EXOC2: variants seen among roughly 807,000 people sequenced by gnomAD.
The protein encoded by EXOC2 is SEC5-like 1.
EXOC2 carries 70 observed loss-of-function variants against 131.8 expected under a neutral mutation model. The observed-to-expected ratio is 0.53, with a 90% CI of 0.44 to 0.65. The LOEUF (loss-of-function observed/expected upper bound fraction) is 0.65. EXOC2 is among the 30% of genes least tolerant of loss of function. The pLI is 0.00. For synonymous variants in EXOC2, 411 were observed against 398.4 expected (o/e 1.03, Z -0.38); for missense variants, 923 against 1,108.6 (o/e 0.83, Z 2.38).
intron 13 of EXOC2, among the ~76,000 whole-genome samples, chr6:565,258 C>A (rs1165340926): frequency 6.6e-6 from 1 of 152,132 alleles, no homozygotes; most frequent in East Asian, 1.9e-4. Context: ...GGTATCATAC[C>A]CACGACAACA....
intron 4 of EXOC2, among the ~76,000 whole-genome samples, chr6:620,458 C>T (rs957731973): frequency 3.3e-5 from 5 of 152,142 alleles, no homozygotes; most frequent in Admixed American, 6.5e-5. Context: ...TCTGATTTGC[C>T]GCCCCCTCTA....
At chr6:598,757 T>C (rs961523312) in intron 9 of EXOC2, 103 bp downstream of exon 9, 83 of 896,890 alleles carry the variant, frequency 9.3e-5, no homozygotes, top group Middle Eastern at 3.5e-4. Context: ...GAGCCTCATA[T>C]AAACAAAAAC....
intron 23 of EXOC2, among the ~76,000 whole-genome samples, chr6:530,435 A>T (rs371476622): frequency 1.4e-4 from 21 of 152,336 alleles, no homozygotes; most frequent in Admixed American, 1.0e-3. Flanking sequence ...ACTGTCCAGC[A>T]AGGAGCTAGA....
At chr6:568,646 C>T (rs992898097) in intron 13 of EXOC2, among the ~76,000 whole-genome samples, 8 of 152,158 alleles carry the variant, frequency 5.3e-5, no homozygotes, top group African/African-American at 1.9e-4. Context: ...AGGCACATGC[C>T]AGTATAAAAC....
chr6:533,454 C>A (rs1165128923), intron 22 of EXOC2, among the ~76,000 whole-genome samples: 1 of 152,144 alleles, frequency 6.6e-6, no homozygotes, highest in Non-Finnish European at 1.5e-5. Context: ...TACAGCTCTG[C>A]TTGAGGGGCG....
At chr6:623,606 G>A (rs1761404036) in intron 4 of EXOC2, among the ~76,000 whole-genome samples, 1 of 152,132 alleles carries the variant, frequency 6.6e-6, no homozygotes, top group South Asian at 2.1e-4. Context: ...TGTTTCTAGT[G>A]GACACTGTTG....
At chr6:564,746 A>T in intron 14 of EXOC2, 44 bp from the exon 15 acceptor site, 1 of 1,572,962 alleles carries the variant, frequency 6.4e-7, no homozygotes, top group Admixed American at 1.9e-5. Context: ...AATGTGATTA[A>T]TCGGGTTACA....
At chr6:645,321 A>C (rs1361022700) in intron 1 of EXOC2, among the ~76,000 whole-genome samples, 1 of 152,134 alleles carries the variant, frequency 6.6e-6, no homozygotes, top group Non-Finnish European at 1.5e-5. Flanking sequence ...ATAAAAACTA[A>C]AATTATAAAC....
chr6:552,271 T>C (rs984049838), intron 21 of EXOC2, among the ~76,000 whole-genome samples: 2 of 152,252 alleles, frequency 1.3e-5, no homozygotes, highest in Admixed American at 1.3e-4. Flanking sequence ...CTGCTTTTCC[T>C]TGTGAGGACC....
At chr6:570,283 G>A (rs7771371) in intron 13 of EXOC2, among the ~76,000 whole-genome samples, 10,461 of 151,954 alleles carry the variant, frequency 0.069, 831 homozygotes, top group African/African-American at 0.19. Context: ...ACAGGCGCCC[G>A]CCACCACGCC....
In EXOC2 at chr6:598,131, A is replaced by C; in HGVS notation, c.971-8T>G. ...TTTCTACTTCAGCATAATCTATTTA[A>C]AAAGAAAAGAATACACAAGATTTAC... On this transcript the variant is annotated splice_polypyrimidine_tract_variant and splice_region_variant and intron_variant, in intron 9 of 27. Coordinates refer to ENST00000230449, the MANE Select transcript of EXOC2 (RefSeq NM_018303.6). 6.3e-7 allele frequency: 1 copy of C among 1,575,840 alleles called. No individual in the cohort carries two copies. Among genetic ancestry groups the C allele is most frequent in the Admixed American group, 1.7e-5 (1 of 57,566 alleles).
intron 7 of EXOC2, among the ~76,000 whole-genome samples, chr6:600,436 T>C (rs753287880): frequency 2.0e-5 from 3 of 152,196 alleles, no homozygotes; most frequent in Non-Finnish European, 2.9e-5. Flanking sequence ...TTTTAAAGTA[T>C]TTATCACTTA....
chr6:591,462 C>T (rs973532978), intron 11 of EXOC2, among the ~76,000 whole-genome samples: 19 of 151,972 alleles, frequency 1.3e-4, no homozygotes, highest in African/African-American at 4.1e-4. Flanking sequence ...AAATGCTTTC[C>T]TTCTCTATTT....
intron 4 of EXOC2, among the ~76,000 whole-genome samples, chr6:628,788 A>G (rs555006608): frequency 5.9e-5 from 9 of 152,284 alleles, no homozygotes; most frequent in South Asian, 4.1e-4. Flanking sequence ...CTGTGCTCAA[A>G]TAAATACCCA....
rs892829929 is a variant in EXOC2 at position 616,521 on chromosome 6, T to C, written c.661+1190A>G. ...GGGAGGCTGAGGCAGGAGAATGGCG[T>C]GAACCCGGGAGGCGGAGCTTGCAGT... On this transcript the variant is annotated intron_variant, in intron 6 of 27. Transcript: ENST00000230449. 3.0e-5 allele frequency among the ~76,000 whole-genome samples: 4 copies of C among 135,068 alleles called. No individual in the cohort carries two copies. The Admixed American group carries it at 3.5e-4, about 12-fold the overall frequency. 88.6% of individuals were successfully genotyped at this position (135,068 alleles called of 152,430 possible).
At chr6:598,367 A>C (rs1463483087) in intron 9 of EXOC2, among the ~76,000 whole-genome samples, 2 of 152,238 alleles carry the variant, frequency 1.3e-5, no homozygotes, top group Non-Finnish European at 2.9e-5. Flanking sequence ...ACAATAAAAA[A>C]ATAAATTTAG....
intron 13 of EXOC2, 51 bp downstream of exon 13, chr6:572,469 C>G: frequency 6.4e-7 from 1 of 1,552,542 alleles, no homozygotes; most frequent in Non-Finnish European, 8.7e-7. Context: ...TTTTAAAGAC[C>G]AGAAATGCAC....
chr6:486,907 T>C lies in EXOC2; in HGVS notation c.2682-143A>G, dbSNP rs1348828025. The C allele has an allele frequency of 1.8e-5, 10 of 554,470 alleles. No homozygotes were observed. In the African/African-American group the frequency reaches 1.9e-4, roughly 10 times the overall value. The allele number at this position is 554,470 out of a possible 1,614,324, so 34.3% of individuals were successfully genotyped here. A position where few individuals can be genotyped will look rare whatever the true frequency, so the allele number is the denominator to read the frequency against. On this transcript the variant is annotated intron_variant, in intron 27 of 27. Coordinates refer to ENST00000230449, the MANE Select transcript of EXOC2 (RefSeq NM_018303.6). ...CTGAAAAGTTCTACCTATGGATCCT[T>C]AACTCAGCAAAAGAAACACATCAAA...
intron 23 of EXOC2, among the ~76,000 whole-genome samples, chr6:523,362 C>T (rs749516302): frequency 2.0e-5 from 3 of 152,228 alleles, no homozygotes; most frequent in South Asian, 4.1e-4. Flanking sequence ...ACAGAACTGT[C>T]GGCTTCTCTA....
Sources: allele counts gnomAD v4.1 joint callset (sites outside exome capture counted in the v4.1 genomes callset), GRCh38; gene constraint gnomAD v4.1.1; transcripts MANE v1.5; gene names NCBI Gene and HGNC (gene_info 2026-07-23, HGNC 2026-07-21).